The following ANKDD1B variants were observed in gnomAD, a reference collection of about 807,000 sequenced individuals.
The protein encoded by ANKDD1B is ankyrin repeat and death domain containing 1B, also known as ankyrin repeat and death domain-containing protein 1B.
Under a neutral mutation model 59.7 loss-of-function variants are expected in ANKDD1B, and 57 were observed. That is an observed-to-expected ratio of 0.95 (90% CI 0.77 to 1.19). ANKDD1B has a LOEUF of 1.19. Ranked by LOEUF, ANKDD1B falls within the 50% of genes most tolerant of loss-of-function variation. The pLI is 0.00. For synonymous variants in ANKDD1B, 216 were observed against 239.5 expected (o/e 0.90, Z 0.91); for missense variants, 602 against 641.9 (o/e 0.94, Z 0.67).
chr5:75,658,755 T>TA (rs1355118200), intron 9 of ANKDD1B, among the ~76,000 whole-genome samples: 1 of 152,202 alleles, frequency 6.6e-6, no homozygotes, highest in Non-Finnish European at 1.5e-5. Flanking sequence ...CTTTTATTTT[T>TA]AAAAAATCTT....
intron 11 of ANKDD1B, 45 bp from the exon 12 acceptor site, chr5:75,666,747 G>A (rs761393005): frequency 1.5e-6 from 2 of 1,361,138 alleles, no homozygotes; most frequent in East Asian, 2.5e-5. Context: ...AAGGTAATAA[G>A]TAGAACATGT....
intron 7 of ANKDD1B, among the ~76,000 whole-genome samples, chr5:75,644,330 A>C (rs1343707009): frequency 3.3e-5 from 3 of 91,428 alleles, no homozygotes; most frequent in Non-Finnish European, 5.6e-5. Context: ...AAGACCCATC[A>C]GTGTGCTGTA....
Position 75,666,904 on chromosome 5 carries a change from A to T in ANKDD1B, c.1304A>T (p.His435Leu), listed in dbSNP as rs1472303107. 6.5e-7 allele frequency: 1 copy of T among 1,533,914 alleles called. No homozygotes were observed. Among genetic ancestry groups the T allele is most frequent in the East Asian group, 2.4e-5 (1 of 40,904 alleles). Residue 435 changes from histidine to leucine, a missense_variant, in exon 12 of 14, where the codon CAT becomes CTT. This residue lies in a region of ANKDD1B where 280 missense variants were observed against 319.8 expected (regional missense o/e 0.88). Coordinates refer to ENST00000601380, the MANE Select transcript of ANKDD1B (RefSeq NM_001276713.2). ...ACGCTTCTCTGGGACCTGGCTTACC[A>T]TCAGCTGAAGGCCAATGAGTGGCAG... ...IRTLLWDLAYHQLKANEWQRL... is the reference protein window; with the variant it reads ...IRTLLWDLAYLQLKANEWQRL...
chr5:75,667,086 A>G, intron 12 of ANKDD1B, 93 bp downstream of exon 12: 1 of 809,752 alleles, frequency 1.2e-6, no homozygotes, highest in Non-Finnish European at 1.8e-6. Flanking sequence ...AGTGTGTGGC[A>G]CTCACAATAA....
At position 75,611,679 on chromosome 5, in the gene ANKDD1B, G is replaced by C; in HGVS notation, c.45G>C (p.Gly15=). 1 of 1,231,798 alleles carries C rather than the reference G, an allele frequency of 8.1e-7. No individual in the cohort carries two copies. Among genetic ancestry groups the C allele is most frequent in the Non-Finnish European group, 1.0e-6 (1 of 988,084 alleles). 76.3% of individuals were successfully genotyped at this position (1,231,798 alleles called of 1,614,324 possible). A position where few individuals can be genotyped will look rare whatever the true frequency, so the allele number is the denominator to read the frequency against. Residue 15 remains glycine, a synonymous_variant, in exon 1 of 14, where the codon GGG becomes GGC. Transcript: ENST00000601380. ...GRARGQGATA[G]GLLLRAAAAA... ...CCCGGGGCCAAGGGGCCACGGCAGG[G>C]GGGCTGCTGCTCCGGGCTGCTGCGG...
chr5:75,670,975 C>A lies in ANKDD1B; in HGVS notation c.1526-4C>A. 8.2e-7 allele frequency: 1 copy of A among 1,216,890 alleles called. No individual in the cohort carries two copies. Among genetic ancestry groups the A allele is most frequent in the African/African-American group, 1.6e-5 (1 of 64,182 alleles). The allele number at this position is 1,216,890 out of a possible 1,614,324, so 75.4% of individuals were successfully genotyped here. A position where few individuals can be genotyped will look rare whatever the true frequency, so the allele number is the denominator to read the frequency against. ...ATTCATAAATGTTATCTTATTTTTT[C>A]CAGAAAAGACTCGTCATTTCAAAAG... On this transcript the variant is annotated splice_region_variant and splice_polypyrimidine_tract_variant and intron_variant, in intron 13 of 13. Transcript: ENST00000601380.
chr5:75,623,119 C>CT (rs1424384579), intron 3 of ANKDD1B, among the ~76,000 whole-genome samples: 1 of 152,044 alleles, frequency 6.6e-6, no homozygotes, highest in African/African-American at 2.4e-5. Flanking sequence ...ACTCTTGTTG[C>CT]TCAGGCTAGA....
intron 9 of ANKDD1B, among the ~76,000 whole-genome samples, chr5:75,657,668 G>A (rs974212569): frequency 6.6e-6 from 1 of 152,116 alleles, no homozygotes; most frequent in Non-Finnish European, 1.5e-5. Context: ...CAACACTTTG[G>A]GAGGCTGAGG....
chr5:75,622,976 G>A (rs994307906), intron 3 of ANKDD1B, among the ~76,000 whole-genome samples: 4 of 152,204 alleles, frequency 2.6e-5, no homozygotes, highest in East Asian at 1.9e-4. Context: ...TCGGAGCTTC[G>A]AATTTTAAAA....
chr5:75,655,660 T>C (rs752506453), intron 8 of ANKDD1B, among the ~76,000 whole-genome samples: 9 of 152,182 alleles, frequency 5.9e-5, no homozygotes, highest in Non-Finnish European at 1.3e-4. Flanking sequence ...CCAAAGCACT[T>C]AATTGTATAC....
At chr5:75,612,108 C>A (rs908014132) in intron 1 of ANKDD1B, among the ~76,000 whole-genome samples, 28 of 152,160 alleles carry the variant, frequency 1.8e-4, no homozygotes, top group Non-Finnish European at 1.5e-5. Flanking sequence ...AGTCCTTTTG[C>A]AAATAAGAGT....
chr5:75,614,100 T>G (rs566169127), intron 1 of ANKDD1B, among the ~76,000 whole-genome samples: 1 of 152,118 alleles, frequency 6.6e-6, no homozygotes, highest in African/African-American at 2.4e-5. Flanking sequence ...ACTTGTAATC[T>G]CACAAGTTAG....
intron 6 of ANKDD1B, 77 bp from the exon 7 acceptor site, chr5:75,635,707 C>A: frequency 3.3e-6 from 3 of 916,926 alleles, no homozygotes; most frequent in Non-Finnish European, 4.9e-6. Flanking sequence ...TCCAGAAACT[C>A]CATTGCAGCC....
At chr5:75,618,678 A>G (rs1645046316) in intron 2 of ANKDD1B, among the ~76,000 whole-genome samples, 1 of 152,214 alleles carries the variant, frequency 6.6e-6, no homozygotes, top group African/African-American at 2.4e-5. Context: ...TTATAAGCCC[A>G]TATTTGACAT....
intron 10 of ANKDD1B, among the ~76,000 whole-genome samples, chr5:75,660,827 A>G (rs1362667834): frequency 2.0e-5 from 3 of 152,186 alleles, no homozygotes; most frequent in Non-Finnish European, 4.4e-5. Flanking sequence ...TTCAAATCCA[A>G]GTAGTGGCTG....
intron 7 of ANKDD1B, among the ~76,000 whole-genome samples, chr5:75,641,277 C>T (rs981501527): frequency 6.6e-6 from 1 of 152,188 alleles, no homozygotes; most frequent in African/African-American, 2.4e-5. Flanking sequence ...AGGATTCAAA[C>T]TAATGTCTGA....
At chr5:75,629,636 T>G (rs1423913392) in intron 5 of ANKDD1B, among the ~76,000 whole-genome samples, 1 of 151,350 alleles carries the variant, frequency 6.6e-6, no homozygotes, top group Non-Finnish European at 1.5e-5. Flanking sequence ...ATGCATTGAG[T>G]TAAAACATAT....
intron 10 of ANKDD1B, among the ~76,000 whole-genome samples, chr5:75,662,917 T>G (rs1231289678): frequency 1.3e-5 from 2 of 152,122 alleles, no homozygotes; most frequent in Non-Finnish European, 2.9e-5. Context: ...CTTAATAAGA[T>G]CCAGCCCTTT....
intron 5 of ANKDD1B, among the ~76,000 whole-genome samples, chr5:75,629,311 T>C (rs1466567803): frequency 6.6e-6 from 1 of 151,938 alleles, no homozygotes; most frequent in Non-Finnish European, 1.5e-5. Context: ...ACCTCTGAAA[T>C]TTCTAGTTAT....
Sources: allele counts gnomAD v4.1 joint callset (sites outside exome capture counted in the v4.1 genomes callset), GRCh38; gene constraint gnomAD v4.1.1; regional missense constraint gnomAD v4.1.1; transcripts MANE v1.5; gene names NCBI Gene and HGNC (gene_info 2026-07-23, HGNC 2026-07-21).